The following EVA1C variants were observed in gnomAD, a reference collection of about 807,000 sequenced individuals.
EVA1C encodes eva-1 homolog C.
Under a neutral mutation model 45.4 loss-of-function variants are expected in EVA1C, and 25 were observed. The observed-to-expected ratio is 0.55, with a 90% CI of 0.40 to 0.77. The LOEUF is 0.77. EVA1C is among the 30% of genes least tolerant of loss of function. The probability of loss-of-function intolerance (pLI) is 0.00; values close to 1 mark genes in which losing one functional copy is unlikely to be tolerated. For synonymous variants in EVA1C, 190 were observed against 221.2 expected, an observed-to-expected ratio of 0.86 and a Z score of 1.25; for missense variants, 479 against 554.8, an observed-to-expected ratio of 0.86 and a Z score of 1.37.
At position 32,515,100 on chromosome 21, in the gene EVA1C, G is replaced by T. The variant is rs372588478; in HGVS notation, c.1236G>T (p.Arg412Ser). 7 of 1,614,040 alleles carry T rather than the reference G, an allele frequency of 4.3e-6. No homozygotes were observed. In the African/African-American group the frequency reaches 9.3e-5, roughly 22 times the overall value. The change falls in exon 8 of 8, where the codon AGG (arginine) becomes AGT (serine). Residue 412 changes from arginine to serine, a missense_variant. Around this residue, in one of 3 missense-constraint regions of EVA1C, gnomAD observed 366 missense variants for 426.1 expected, o/e 0.86. Transcript: ENST00000300255. ...SSIEAAELAE[R>S]IERREQIIQE... ...TAGAAGCTGCAGAGCTCGCAGAAAGGATTGAGCGCAGGGAGCAAATCATTC... is the reference window on the plus strand; with the variant it reads ...TAGAAGCTGCAGAGCTCGCAGAAAGTATTGAGCGCAGGGAGCAAATCATTC...
intron 7 of EVA1C, among the ~76,000 whole-genome samples, chr21:32,513,943 T>G (rs183448928): frequency 6.6e-6 from 1 of 152,326 alleles, no homozygotes; most frequent in East Asian, 1.9e-4. Context: ...AAATGGATAG[T>G]TGCATCTTTA....
Position 32,477,025 on chromosome 21 carries a change from C to T in EVA1C, c.634+9177C>T, listed in dbSNP as rs924941008. ...ATTGAACAGAGCTTCCCAACCGCCC[C>T]ATCATCAAGCACATAGACAGTTACA... On this transcript the variant is annotated intron_variant, in intron 4 of 7. Transcript: ENST00000300255. Among the ~76,000 whole-genome samples the T allele has an allele frequency of 2.0e-5, 3 of 152,082 alleles. No individual in the cohort carries two copies. In the South Asian group the frequency reaches 6.2e-4, roughly 32 times the overall value.
chr21:32,471,692 G>A (rs1381596945), intron 4 of EVA1C, among the ~76,000 whole-genome samples: 18 of 149,002 alleles, frequency 1.2e-4, no homozygotes, highest in Non-Finnish European at 2.2e-4. Context: ...GCAGCGGTGC[G>A]ATCTCAGCTC....
At chr21:32,501,347 A>G in intron 5 of EVA1C, 68 bp from the exon 6 acceptor site, 1 of 1,353,702 alleles carries the variant, frequency 7.4e-7, no homozygotes, top group African/African-American at 1.5e-5. Flanking sequence ...TTGCATTTAA[A>G]AATGTATTAA....
At chr21:32,460,182 C>T (rs539757814) in intron 3 of EVA1C, among the ~76,000 whole-genome samples, 154 of 152,206 alleles carry the variant, frequency 1.0e-3, no homozygotes, top group African/African-American at 3.6e-3. Flanking sequence ...GCGGTTCTAT[C>T]GTGGGTGGTG....
chr21:32,424,890 T>C (rs2034428801), intron 1 of EVA1C, among the ~76,000 whole-genome samples: 1 of 152,174 alleles, frequency 6.6e-6, no homozygotes, highest in Non-Finnish European at 1.5e-5. Flanking sequence ...AGAGTCTCAT[T>C]CTGTTACCCA....
intron 1 of EVA1C, among the ~76,000 whole-genome samples, chr21:32,445,705 G>A (rs1199998369): frequency 1.3e-5 from 2 of 152,128 alleles, no homozygotes; most frequent in African/African-American, 4.8e-5. Flanking sequence ...CCACTCTTAG[G>A]GGTTCATGTC....
rs866667550 is a variant in EVA1C at position 32,417,069 on chromosome 21, C to T, written c.160+4056C>T. On this transcript the variant is annotated intron_variant, in intron 1 of 7. Coordinates refer to ENST00000300255, the MANE Select transcript of EVA1C (RefSeq NM_058187.5). ...GCAGCCTCAAACTCATGGCCTTAACCGATCCTCCTCCCTTAGCCTCCTGAG... is the reference window on the plus strand; with the variant it reads ...GCAGCCTCAAACTCATGGCCTTAACTGATCCTCCTCCCTTAGCCTCCTGAG... 5.3e-5 allele frequency among the ~76,000 whole-genome samples: 8 copies of T among 152,306 alleles called. 1 individual carries two copies. The highest frequency in any genetic ancestry group is 3.4e-3 in the Middle Eastern group (1 of 294).
intron 1 of EVA1C, among the ~76,000 whole-genome samples, chr21:32,442,663 T>TAA (rs111617678): frequency 0.022 from 2,444 of 111,270 alleles, 70 homozygotes; most frequent in African/African-American, 0.071. Context: ...TGGCAGGTTA[T>TAA]AAAAAAAAAA....
chr21:32,451,248 C>T (rs1272182211), intron 1 of EVA1C, among the ~76,000 whole-genome samples: 2 of 152,172 alleles, frequency 1.3e-5, no homozygotes, highest in Non-Finnish European at 2.9e-5. Flanking sequence ...TCCTAAGCTG[C>T]CCTCCTTCAC....
chr21:32,511,983 C>T (rs1376204792), intron 7 of EVA1C, among the ~76,000 whole-genome samples: 2 of 151,592 alleles, frequency 1.3e-5, no homozygotes, highest in Non-Finnish European at 2.9e-5. Context: ...TATTTTACAG[C>T]GATATGATAT....
intron 2 of EVA1C, among the ~76,000 whole-genome samples, chr21:32,456,801 G>A (rs1315657751): frequency 6.6e-6 from 1 of 152,174 alleles, no homozygotes. Flanking sequence ...CGAGGACCTA[G>A]AGAACAGCAG....
At chr21:32,497,170 G>A in intron 5 of EVA1C, 2 of 795,698 alleles carry the variant, frequency 2.5e-6, no homozygotes, top group Non-Finnish European at 4.6e-6. Context: ...ATCCACTGAA[G>A]ATAGTATTTG....
At chr21:32,444,073 CACACACA>C (rs1261530801) in intron 1 of EVA1C, among the ~76,000 whole-genome samples, 11 of 145,042 alleles carry the variant, frequency 7.6e-5, no homozygotes, top group Non-Finnish European at 1.4e-4. Flanking sequence ...CACACACACA[CACACACA>C]CACACACACA....
At chr21:32,453,804 C>CTGG (rs1258873236) in intron 2 of EVA1C, among the ~76,000 whole-genome samples, 5 of 152,194 alleles carry the variant, frequency 3.3e-5, no homozygotes, top group Admixed American at 6.5e-5. Flanking sequence ...AAAGTACAAC[C>CTGG]AGGATGGATT....
At chr21:32,467,915 T>G in intron 4 of EVA1C, 67 bp downstream of exon 4, 8 of 913,398 alleles carry the variant, frequency 8.8e-6, no homozygotes, top group African/African-American at 1.8e-5. Flanking sequence ...AATATATATA[T>G]ATATATCCTA....
chr21:32,428,870 T>C (rs576357288), intron 1 of EVA1C, among the ~76,000 whole-genome samples: 2 of 152,344 alleles, frequency 1.3e-5, no homozygotes, highest in African/African-American at 2.4e-5. Context: ...TATCTCACAA[T>C]ATCTGCATTT....
At chr21:32,420,034 C>T (rs544958060) in intron 1 of EVA1C, among the ~76,000 whole-genome samples, 18 of 152,294 alleles carry the variant, frequency 1.2e-4, no homozygotes, top group Admixed American at 4.6e-4. Context: ...TGGGGTATCT[C>T]GTTCTGCCAC....
At chr21:32,500,888 T>C (rs937935989) in intron 5 of EVA1C, among the ~76,000 whole-genome samples, 43 of 152,132 alleles carry the variant, frequency 2.8e-4, no homozygotes, top group Non-Finnish European at 1.5e-5. Context: ...CTTCGCTCAC[T>C]GCAACCTCTG....
Sources: gnomAD v4.1 joint callset for allele counts (sites outside exome capture counted in the v4.1 genomes callset) on GRCh38, gnomAD v4.1.1 for gene constraint, gnomAD v4.1.1 regional missense constraint, MANE v1.5 for transcripts, NCBI Gene and HGNC (gene_info 2026-07-23, HGNC 2026-07-21) for gene names.